Variants in FERMT1 observed in about 807,000 individuals in gnomAD.
FERMT1 encodes FERM domain containing kindlin 1, also known as fermitin family homolog 1.
A neutral mutation model predicts 85.3 loss-of-function variants in FERMT1; 60 were observed. That is an observed-to-expected ratio of 0.70 (90% CI 0.57 to 0.87). The LOEUF (loss-of-function observed/expected upper bound fraction) is 0.87, where lower values mean the gene tolerates loss of function less well. Among genes scored for constraint, FERMT1 ranks in the 40% least tolerant of loss-of-function variants. FERMT1 has a pLI of 0.00. For missense variants in FERMT1, 701 were observed against 818.9 expected (o/e 0.86, Z 1.76); for synonymous variants, 275 against 301.1 (o/e 0.91, Z 0.90).
intron 9 of FERMT1, among the ~76,000 whole-genome samples, chr20:6,091,659 C>G (rs1982372686): frequency 1.3e-5 from 2 of 152,206 alleles, no homozygotes; most frequent in Non-Finnish European, 2.9e-5. Context: ...TCTTCAGCCT[C>G]TAAATATTTC....
At chr20:6,099,830 TAAAAAAA>T (rs112369032) in intron 6 of FERMT1, among the ~76,000 whole-genome samples, 1 of 120,460 alleles carries the variant, frequency 8.3e-6, no homozygotes. Context: ...TCACTGTTTC[TAAAAAAA>T]AAAAAAAAAA....
At chr20:6,084,488 A>C (rs1173766392) in intron 12 of FERMT1, among the ~76,000 whole-genome samples, 1 of 151,830 alleles carries the variant, frequency 6.6e-6, no homozygotes, top group East Asian at 1.9e-4. Flanking sequence ...CTTTTAACCC[A>C]CTCCTATAGA....
At chr20:6,088,056 T>G (rs960317069) in intron 10 of FERMT1, among the ~76,000 whole-genome samples, 173 bp from the exon 11 acceptor site, 2 of 152,204 alleles carry the variant, frequency 1.3e-5, no homozygotes, top group Admixed American at 6.5e-5. Context: ...ATAAATCTTA[T>G]GAACAATTAA....
At chr20:6,083,666 C>CCT (rs1447647484) in intron 13 of FERMT1, among the ~76,000 whole-genome samples, 22 of 144,842 alleles carry the variant, frequency 1.5e-4, no homozygotes, top group African/African-American at 5.7e-4. Flanking sequence ...CCCCCCCCCC[C>CCT]GGCCACCCTC....
At chr20:6,085,374 AC>A in intron 11 of FERMT1, 87 bp from the exon 12 acceptor site, 1 of 1,152,996 alleles carries the variant, frequency 8.7e-7, no homozygotes, top group South Asian at 1.3e-5. Context: ...CTACCCCATT[AC>A]AGTGCAAAAC....
At chr20:6,119,626 G>A (rs1251679707) in intron 1 of FERMT1, 54 bp from the exon 2 acceptor site, 30 of 1,493,150 alleles carry the variant, frequency 2.0e-5, no homozygotes, top group Non-Finnish European at 2.6e-5. Flanking sequence ...AACGGGACTT[G>A]TCAGTAGACT....
chr20:6,107,057 A>G (rs994699400), intron 6 of FERMT1, among the ~76,000 whole-genome samples: 1 of 152,122 alleles, frequency 6.6e-6, no homozygotes, highest in African/African-American at 2.4e-5. Flanking sequence ...TTAGCTGGGC[A>G]TGGTTGCATG....
intron 14 of FERMT1, among the ~76,000 whole-genome samples, chr20:6,078,054 A>C (rs1981881534): frequency 6.6e-6 from 1 of 152,232 alleles, no homozygotes; most frequent in Non-Finnish European, 1.5e-5. Flanking sequence ...CCTAGCTGCA[A>C]GTCATAAACT....
Position 6,110,521 on chromosome 20 carries a change from AG to A in FERMT1, c.533-11del, listed in dbSNP as rs745631833. ...TATAAACCAGGACTTACTGCAAGGCAGGGGGATCAAGAACTATGATATGAGA... is the reference window on the plus strand; with the variant it reads ...TATAAACCAGGACTTACTGCAAGGCAGGGGATCAAGAACTATGATATGAGA... On this transcript the variant is annotated splice_polypyrimidine_tract_variant and intron_variant, in intron 4 of 14. Transcript: ENST00000217289. 6.3e-7 allele frequency: 1 copy of A among 1,598,166 alleles called. No homozygotes were observed. The highest frequency in any genetic ancestry group is 8.6e-7 in the Non-Finnish European group (1 of 1,165,344).
chr20:6,112,837 C>G (rs1982993719), intron 3 of FERMT1, among the ~76,000 whole-genome samples: 7 of 152,124 alleles, frequency 4.6e-5, no homozygotes, highest in Admixed American at 4.6e-4. Context: ...GAGATTCAGT[C>G]TAGTGAAATT....
intron 9 of FERMT1, among the ~76,000 whole-genome samples, chr20:6,094,703 T>G (rs1982455393): frequency 6.6e-6 from 1 of 152,182 alleles, no homozygotes; most frequent in South Asian, 2.1e-4. Flanking sequence ...GGGAGGTATA[T>G]TCCCATTTTA....
rs548295253 is a variant in FERMT1, at chr20:6,083,664, C to G, written c.1718+376G>C. Among the ~76,000 whole-genome samples the G allele has an allele frequency of 4.4e-4, 65 of 148,154 alleles. 1 individual carries two copies. Among genetic ancestry groups the G allele is most frequent in the South Asian group, 4.4e-4 (2 of 4,594 alleles). On this transcript the variant is annotated intron_variant, in intron 13 of 14. Coordinates refer to ENST00000217289, the MANE Select transcript of FERMT1 (RefSeq NM_017671.5). ...GGCGGCAAAATGAGACACCCCCCCC[C>G]CCGGCCACCCTCCCCACACCCGATC...
chr20:6,091,638 T>C (rs1982371862), intron 9 of FERMT1, among the ~76,000 whole-genome samples: 10 of 152,110 alleles, frequency 6.6e-5, no homozygotes, highest in Admixed American at 6.5e-4. Flanking sequence ...GGTAATAAGG[T>C]CTTGGTTTAA....
At chr20:6,107,714 T>C (rs1982838241) in intron 5 of FERMT1, 80 bp from the exon 6 acceptor site, 1 of 704,366 alleles carries the variant, frequency 1.4e-6, no homozygotes, top group Non-Finnish European at 2.5e-6. Flanking sequence ...ATATATTATA[T>C]ACTACATATA....
chr20:6,110,232 G>T, intron 5 of FERMT1, 66 bp downstream of exon 5: 1 of 1,345,074 alleles, frequency 7.4e-7, no homozygotes, highest in Non-Finnish European at 1.1e-6. Context: ...AAAATGAAAC[G>T]TGACATCCCA....
chr20:6,096,528 A>G (rs559465686), intron 8 of FERMT1, among the ~76,000 whole-genome samples: 1 of 152,288 alleles, frequency 6.6e-6, no homozygotes, highest in African/African-American at 2.4e-5. Context: ...AATTTTCTTT[A>G]TTCTATTCTC....
chr20:6,085,846 CA>C (rs10700226), intron 11 of FERMT1, among the ~76,000 whole-genome samples: 376 of 140,522 alleles, frequency 2.7e-3, no homozygotes, highest in Middle Eastern at 3.9e-3. Flanking sequence ...AATACTTTGT[CA>C]AAAAAAAAAA....
chr20:6,101,403 T>G (rs1982654318), intron 6 of FERMT1, among the ~76,000 whole-genome samples: 1 of 152,196 alleles, frequency 6.6e-6, no homozygotes, highest in Non-Finnish European at 1.5e-5. Context: ...TTACTTATAC[T>G]GACATGAAAG....
intron 1 of FERMT1, among the ~76,000 whole-genome samples, 177 bp from the exon 2 acceptor site, chr20:6,119,749 C>G (rs1161686542): frequency 6.6e-6 from 1 of 152,122 alleles, no homozygotes; most frequent in Non-Finnish European, 1.5e-5. Context: ...ACTTTGAAGA[C>G]AAAAAGTTTT....
Sources: allele counts gnomAD v4.1 joint callset (sites outside exome capture counted in the v4.1 genomes callset), GRCh38; gene constraint gnomAD v4.1.1; transcripts MANE v1.5; gene names NCBI Gene and HGNC (gene_info 2026-07-23, HGNC 2026-07-21).